NCOA2: variants seen among roughly 807,000 people sequenced by gnomAD.
NCOA2 encodes the protein class E basic helix-loop-helix protein 75.
Under a neutral mutation model 145.1 loss-of-function variants are expected in NCOA2, and 21 were observed. The ratio of observed to expected loss-of-function variants is 0.14; its 90% CI spans 0.10 to 0.21. NCOA2 has a LOEUF of 0.21. NCOA2 is among the 10% of genes least tolerant of loss of function. The pLI is 1.00. For missense variants in NCOA2, 1,472 were observed against 1,837.6 expected (o/e 0.80, Z 3.64); for synonymous variants, 619 against 637.5 (o/e 0.97, Z 0.44).
At chr8:70,427,519 A>G in the NCOA2 span, among the ~76,000 whole-genome samples, 8 of 121,024 alleles carry the variant, frequency 6.6e-5, no homozygotes, top group African/African-American at 2.0e-4. Flanking sequence ...ATAGTGTTAT[A>G]TCATTTAAAT....
At chr8:70,113,747 A>C in intron 22 of NCOA2, 104 bp from the exon 23 acceptor site, 3 of 1,150,188 alleles carry the variant, frequency 2.6e-6, no homozygotes, top group Non-Finnish European at 3.8e-6. Flanking sequence ...GTTTTCAATA[A>C]AGCAAATCAC....
In NCOA2 at chr8:70,156,984, T is replaced by C. The variant is rs746008209; in HGVS notation, c.1381A>G (p.Ser461Gly). 1.9e-5 allele frequency: 30 copies of C among 1,613,950 alleles called. No homozygotes were observed. The highest frequency in any genetic ancestry group is 2.7e-5 in the African/African-American group (2 of 74,946). Reference sequence around the variant, plus strand: ...CTGTTCATTTTGAGTGCATAGTTACTACCCTGAGGAGTGGTTGCTTGCATG... The same window carrying C: ...CTGTTCATTTTGAGTGCATAGTTACCACCCTGAGGAGTGGTTGCTTGCATG... Reference protein sequence around the residue: ...SGMQATTPQGSNYALKMNSPS... With the variant: ...SGMQATTPQGGNYALKMNSPS... Residue 461 changes from serine to glycine, a missense_variant, in exon 11 of 23, where the codon AGT becomes GGT. By Grantham distance (56) the Ser-to-Gly change is moderately conservative. This residue lies in a region of NCOA2 where 953 missense variants were observed against 1,062.1 expected (regional missense o/e 0.90). Coordinates refer to ENST00000452400, the MANE Select transcript of NCOA2 (RefSeq NM_006540.4).
Position 70,159,703 on chromosome 8 carries a change from G to A in NCOA2, c.977-51C>T. ...GCACGTTTAGAAAAAAAAATTGAGGGGTCGGGGAGGACAAGACATAATAAG... is the reference window on the plus strand; with the variant it reads ...GCACGTTTAGAAAAAAAAATTGAGGAGTCGGGGAGGACAAGACATAATAAG... On this transcript the variant is annotated intron_variant, in intron 9 of 22. Transcript: ENST00000452400. 2.0e-6 allele frequency: 3 copies of A among 1,532,654 alleles called. No individual in the cohort carries two copies. In the Admixed American group the frequency reaches 5.5e-5, roughly 28 times the overall value. 94.9% of individuals were successfully genotyped at this position (1,532,654 alleles called of 1,614,324 possible). A position where few individuals can be genotyped will look rare whatever the true frequency, so the allele number is the denominator to read the frequency against.
rs1452279650 is a variant in NCOA2 at position 70,402,806 on chromosome 8, T to C, written c.-77+894A>G. The stretch of plus-strand genomic sequence containing the variant: ...CCGGCCCCGGCCCCAGCGCGCCTCC[T>C]GCATACACGCCCGCACCCAGAAAGT... On this transcript the variant is annotated intron_variant, in intron 1 of 22. Transcript: ENST00000452400. 8.7e-5 allele frequency among the ~76,000 whole-genome samples: 11 copies of C among 126,036 alleles called. No homozygotes were observed. The East Asian group carries it at 2.9e-3, about 33-fold the overall frequency. 82.7% of individuals were successfully genotyped at this position (126,036 alleles called of 152,430 possible).
At chr8:70,213,260 T>C (rs993689430) in intron 4 of NCOA2, among the ~76,000 whole-genome samples, 2 of 152,172 alleles carry the variant, frequency 1.3e-5, no homozygotes, top group East Asian at 1.9e-4. Flanking sequence ...CAAAGTCAAA[T>C]GTGTTCTTAA....
At chr8:70,255,606 A>G (rs942135342) in intron 2 of NCOA2, among the ~76,000 whole-genome samples, 2 of 152,212 alleles carry the variant, frequency 1.3e-5, no homozygotes, top group Non-Finnish European at 2.9e-5. Context: ...CGTGGAATCT[A>G]TCACGTTCGG....
the NCOA2 span, among the ~76,000 whole-genome samples, chr8:70,440,271 C>T: frequency 4.0e-5 from 6 of 151,456 alleles, no homozygotes; most frequent in South Asian, 2.1e-4. Flanking sequence ...AGCGAGACTC[C>T]GTCTCCAAGA....
intron 1 of NCOA2, among the ~76,000 whole-genome samples, chr8:70,334,543 G>A (rs1807398973): frequency 1.3e-5 from 2 of 152,108 alleles, no homozygotes; most frequent in African/African-American, 2.4e-5. Flanking sequence ...TCGACTCTCT[G>A]TCTTGCATTT....
intron 2 of NCOA2, among the ~76,000 whole-genome samples, chr8:70,234,306 A>G (rs551274417): frequency 2.6e-5 from 4 of 152,322 alleles, no homozygotes; most frequent in Non-Finnish European, 5.9e-5. Context: ...ATTATGAATA[A>G]TGCTATCATG....
rs73687616 is a variant in NCOA2, at chr8:70,175,642, G to A, written c.260-783C>T. On this transcript the variant is annotated intron_variant, in intron 4 of 22. Transcript: ENST00000452400. ...AAGAAAAAGATGCACACTTATCAAC[G>A]TATGTGGTAAAGTAGTTATTTCAAG... 6.3e-3 allele frequency among the ~76,000 whole-genome samples: 955 copies of A among 152,310 alleles called. 11 individuals are homozygous for A. Among genetic ancestry groups the A allele is most frequent in the Middle Eastern group, 0.024 (7 of 294 alleles).
chr8:70,404,109 C>G (rs948929976), upstream of NCOA2, among the ~76,000 whole-genome samples: 1 of 152,196 alleles, frequency 6.6e-6, no homozygotes, highest in Non-Finnish European at 1.5e-5. Flanking sequence ...GCAGCATCTC[C>G]GTCGGCAGAG....
At chr8:70,445,468 G>A in the NCOA2 span, among the ~76,000 whole-genome samples, 1 of 152,188 alleles carries the variant, frequency 6.6e-6, no homozygotes, top group Non-Finnish European at 1.5e-5. Context: ...AGCCTGTAAC[G>A]AGAGAAAGAG....
chr8:70,298,878 G>A lies in NCOA2; in HGVS notation c.-76-2078C>T, dbSNP rs1054011969. On this transcript the variant is annotated intron_variant, in intron 1 of 22. Transcript: ENST00000452400. Reference sequence around the variant, plus strand: ...AGATCAAGACCATCCCGGCTAACACGGTGAAACCCCGTCTCTACTAAAATA... The same window carrying A: ...AGATCAAGACCATCCCGGCTAACACAGTGAAACCCCGTCTCTACTAAAATA... Among the ~76,000 whole-genome samples the A allele has an allele frequency of 2.0e-5, 3 of 152,162 alleles. No individual in the cohort carries two copies. The East Asian group carries it at 5.8e-4, about 29-fold the overall frequency.
At chr8:70,314,577 A>C (rs1805423668) in intron 1 of NCOA2, among the ~76,000 whole-genome samples, 1 of 152,222 alleles carries the variant, frequency 6.6e-6, no homozygotes, top group Non-Finnish European at 1.5e-5. Context: ...AAAATCCCTG[A>C]AACATTGAAA....
At chr8:70,160,034 C>G (rs536851116) in intron 9 of NCOA2, among the ~76,000 whole-genome samples, 1 of 152,098 alleles carries the variant, frequency 6.6e-6, no homozygotes, top group Non-Finnish European at 1.5e-5. Context: ...GTATCTCTTA[C>G]GTATACAATA....
chr8:70,213,640 CCTAA>C (rs1444380322), intron 4 of NCOA2, among the ~76,000 whole-genome samples: 10 of 152,102 alleles, frequency 6.6e-5, no homozygotes, highest in African/African-American at 2.4e-4. Context: ...ATTGTGGGCA[CCTAA>C]CTGAGTTTAC....
At chr8:70,404,974 A>G (rs1253989882), upstream of NCOA2, among the ~76,000 whole-genome samples, 4 of 152,206 alleles carry the variant, frequency 2.6e-5, no homozygotes, top group African/African-American at 7.2e-5. Context: ...CTTGCGGTAG[A>G]CAATAAGAGT....
At chr8:70,403,111 C>A (rs1314645216) in intron 1 of NCOA2, among the ~76,000 whole-genome samples, 1 of 150,442 alleles carries the variant, frequency 6.6e-6, no homozygotes, top group Non-Finnish European at 1.5e-5. Context: ...CAGCACTTCC[C>A]GAGTCCTGCC....
At chr8:70,159,425 A>G in intron 10 of NCOA2, 80 bp downstream of exon 10, 1 of 1,277,382 alleles carries the variant, frequency 7.8e-7, no homozygotes, top group Non-Finnish European at 1.1e-6. Flanking sequence ...AAATCCTCAA[A>G]GCTCTAAAAT....
Sources: gnomAD v4.1 joint callset for allele counts (sites outside exome capture counted in the v4.1 genomes callset) on GRCh38, gnomAD v4.1.1 for gene constraint, gnomAD v4.1.1 regional missense constraint, MANE v1.5 for transcripts, NCBI Gene and HGNC (gene_info 2026-07-23, HGNC 2026-07-21) for gene names.